MACROH2A1: variants seen among roughly 807,000 people sequenced by gnomAD.
MACROH2A1 encodes the protein core histone macro-H2A.1.
MACROH2A1 carries 2 observed loss-of-function variants against 31.6 expected under a neutral mutation model. The observed-to-expected ratio is 0.06, with a 90% CI of 0.03 to 0.20. MACROH2A1 has a LOEUF of 0.20. Ranked by LOEUF, MACROH2A1 falls within the 10% of genes least tolerant of loss-of-function variation. The pLI, the probability that MACROH2A1 is intolerant of heterozygous loss-of-function variation, is 1.00. For missense variants in MACROH2A1, 230 were observed against 474.0 expected, an observed-to-expected ratio of 0.49 and a Z score of 4.78; for synonymous variants, 169 against 189.6, an observed-to-expected ratio of 0.89 and a Z score of 0.89.
chr5:135,388,389 C>A (rs1248520521), intron 2 of MACROH2A1, among the ~76,000 whole-genome samples: 1 of 152,166 alleles, frequency 6.6e-6, no homozygotes, highest in Non-Finnish European at 1.5e-5. Context: ...ATCTCTGATG[C>A]CATTCTCCTA....
At chr5:135,376,999 T>A (rs1440321332) in intron 2 of MACROH2A1, among the ~76,000 whole-genome samples, 2 of 152,256 alleles carry the variant, frequency 1.3e-5, no homozygotes, top group Non-Finnish European at 2.9e-5. Flanking sequence ...TTTGCTGTTA[T>A]GCTTAACAGT....
At chr5:135,381,489 C>T (rs1437070394) in intron 2 of MACROH2A1, among the ~76,000 whole-genome samples, 3 of 152,006 alleles carry the variant, frequency 2.0e-5, no homozygotes, top group Admixed American at 6.5e-5. Context: ...GTGGCATGCA[C>T]CTATAGTCTC....
chr5:135,357,956 G>A, intron 5 of MACROH2A1: 2 of 985,170 alleles, frequency 2.0e-6, no homozygotes, highest in East Asian at 1.1e-4. Context: ...CAGCTTGCTT[G>A]CAATCTTCAA....
chr5:135,384,936 C>T (rs1581337547), intron 2 of MACROH2A1, among the ~76,000 whole-genome samples: 1 of 152,286 alleles, frequency 6.6e-6, no homozygotes, highest in East Asian at 1.9e-4. Context: ...ACACAGTGGA[C>T]CCCAAGTGGT....
chr5:135,337,274 G>C (rs549287578), intron 8 of MACROH2A1, among the ~76,000 whole-genome samples: 1 of 152,394 alleles, frequency 6.6e-6, no homozygotes, highest in African/African-American at 2.4e-5. Flanking sequence ...CGGGCTGCAT[G>C]CCCAGGCAGC....
intron 1 of MACROH2A1, among the ~76,000 whole-genome samples, chr5:135,397,248 G>C (rs1468843872): frequency 2.0e-5 from 3 of 152,140 alleles, no homozygotes; most frequent in Non-Finnish European, 4.4e-5. Context: ...AGTGGGGAAG[G>C]AATGCGAGGC....
intron 4 of MACROH2A1, 89 bp from the exon 5 acceptor site, chr5:135,360,696 C>A: frequency 1.1e-6 from 1 of 893,376 alleles, no homozygotes; most frequent in Non-Finnish European, 1.9e-6. Flanking sequence ...CCATAACACC[C>A]AAGGGGAAAC....
intron 2 of MACROH2A1, among the ~76,000 whole-genome samples, chr5:135,376,955 A>G (rs1383908754): frequency 6.6e-6 from 1 of 152,218 alleles, no homozygotes; most frequent in Non-Finnish European, 1.5e-5. Context: ...AAAGCAACAG[A>G]AAACCTGGTG....
intron 1 of MACROH2A1, among the ~76,000 whole-genome samples, chr5:135,390,419 T>C (rs537399998): frequency 3.9e-4 from 60 of 152,340 alleles, no homozygotes; most frequent in Admixed American, 1.1e-3. Context: ...ACTTCAGGTA[T>C]TATGCTGGGC....
At position 135,343,373 on chromosome 5, in the gene MACROH2A1, A is replaced by G. The variant is rs747712702; in HGVS notation, c.840T>C (p.Val280=). The G allele has an allele frequency of 3.7e-6, 6 of 1,614,090 alleles. No individual in the cohort carries two copies. In the East Asian group the frequency reaches 1.1e-4, roughly 30 times the overall value. The part of the protein sequence containing the change: ...AKFVIHCNSP[V]WGADKCEELL... ...GTTCTTCACACTTGTCTGCACCCCA[A>G]ACTGGACTATTACAGTGGATCACAA... The change falls in exon 8 of 9, where the codon GTT becomes GTC. Residue 280 remains valine, a synonymous_variant. Coordinates refer to ENST00000511689, the MANE Select transcript of MACROH2A1 (RefSeq NM_138610.3).
intron 6 of MACROH2A1, chr5:135,350,799 C>CG: frequency 6.7e-7 from 1 of 1,490,546 alleles, no homozygotes; most frequent in Non-Finnish European, 9.4e-7. Flanking sequence ...CACACACACT[C>CG]GGCAGCACCC....
At chr5:135,357,766 G>T in intron 5 of MACROH2A1, 2 of 984,032 alleles carry the variant, frequency 2.0e-6, no homozygotes, top group Non-Finnish European at 2.4e-6. Flanking sequence ...ATTCAACAAT[G>T]TGTGTGAACA....
At chr5:135,341,957 T>C (rs1258250603) in intron 8 of MACROH2A1, among the ~76,000 whole-genome samples, 1 of 152,122 alleles carries the variant, frequency 6.6e-6, no homozygotes, top group Non-Finnish European at 1.5e-5. Flanking sequence ...CAAGCTGGGA[T>C]GGGAAGCCCC....
At chr5:135,351,091 G>A (rs1761481030) in intron 6 of MACROH2A1, 1 of 488,702 alleles carries the variant, frequency 2.0e-6, no homozygotes, top group East Asian at 3.1e-5. Flanking sequence ...ACAGGAGGAG[G>A]AGGAATATCA....
At chr5:135,348,715 C>T (rs1761159464) in intron 6 of MACROH2A1, among the ~76,000 whole-genome samples, 1 of 152,226 alleles carries the variant, frequency 6.6e-6, no homozygotes, top group Non-Finnish European at 1.5e-5. Flanking sequence ...GTCCGCTGGG[C>T]AGAAAAGCCC....
intron 1 of MACROH2A1, among the ~76,000 whole-genome samples, chr5:135,390,458 A>T (rs1332158850): frequency 6.6e-6 from 1 of 152,184 alleles, no homozygotes; most frequent in African/African-American, 2.4e-5. Flanking sequence ...ACTGGTGGGG[A>T]AAAAGACAAT....
intron 6 of MACROH2A1, among the ~76,000 whole-genome samples, chr5:135,352,444 A>G (rs961033243): frequency 3.9e-5 from 6 of 152,220 alleles, no homozygotes; most frequent in Non-Finnish European, 8.8e-5. Flanking sequence ...TCAGTCATAT[A>G]CTGTTTTCAG....
chr5:135,343,110 G>A (rs1358345449), intron 8 of MACROH2A1, 150 bp downstream of exon 8: 10 of 1,539,904 alleles, frequency 6.5e-6, no homozygotes, highest in South Asian at 2.4e-5. Flanking sequence ...ATCATTTAAT[G>A]TCTGCATTCT....
intron 4 of MACROH2A1, chr5:135,362,427 T>C (rs572761979): frequency 3.3e-5 from 5 of 152,380 alleles, no homozygotes; most frequent in African/African-American, 7.2e-5. Context: ...CTATGTATTG[T>C]TGGCATATAT....
Sources: gnomAD v4.1 joint callset for allele counts (sites outside exome capture counted in the v4.1 genomes callset) on GRCh38, gnomAD v4.1.1 for gene constraint, MANE v1.5 for transcripts, NCBI Gene and HGNC (gene_info 2026-07-23, HGNC 2026-07-21) for gene names.